Variants in KIF18A observed in about 807,000 individuals in gnomAD.
KIF18A encodes the protein kinesin family member 18A, also known as kinesin-like protein KIF18A.
A neutral mutation model predicts 103.3 loss-of-function variants in KIF18A; 67 were observed. The ratio of observed to expected loss-of-function variants is 0.65; its 90% CI spans 0.53 to 0.79. The LOEUF (loss-of-function observed/expected upper bound fraction) is 0.79, where lower values mean the gene tolerates loss of function less well. KIF18A is among the 30% of genes least tolerant of loss of function. The probability of loss-of-function intolerance (pLI) is 0.00; values close to 1 mark genes in which losing one functional copy is unlikely to be tolerated. For synonymous variants in KIF18A, 367 were observed against 355.5 expected (o/e 1.03, Z -0.36); for missense variants, 1,032 against 1,062.5 (o/e 0.97, Z 0.40).
chr11:28,047,687 T>A (rs1196272131), intron 13 of KIF18A, among the ~76,000 whole-genome samples: 2 of 152,116 alleles, frequency 1.3e-5, no homozygotes, highest in South Asian at 2.1e-4. Flanking sequence ...GTAATGCAAG[T>A]AATACAGAGT....
At position 28,059,008 on chromosome 11, in the gene KIF18A, T is replaced by G; in HGVS notation, c.1866A>C (p.Glu622Asp). 1.2e-6 allele frequency: 2 copies of G among 1,614,114 alleles called. No individual in the cohort carries two copies. The highest frequency in any genetic ancestry group is 1.7e-6 in the Non-Finnish European group (2 of 1,179,980). The stretch of plus-strand genomic sequence containing the variant: ...CTGGTAGATCGTTTTGCTTTGGTTG[T>G]TCGGCAGTTTGGTCAGCCCAAACTA... ...KVVVWADQTA[E>D]QPKQNDLPGI... Residue 622 changes from glutamate to aspartate, a missense_variant, in exon 13 of 17, where the codon GAA becomes GAC. Transcript: ENST00000263181.
intron 11 of KIF18A, among the ~76,000 whole-genome samples, chr11:28,063,268 T>C (rs938204686): frequency 6.6e-5 from 10 of 152,066 alleles, no homozygotes; most frequent in African/African-American, 2.4e-4. Flanking sequence ...CTGGATCAGA[T>C]GATCTCTTCA....
intron 13 of KIF18A, 68 bp from the exon 14 acceptor site, chr11:28,036,732 T>C (rs1409925028): frequency 2.1e-6 from 2 of 947,792 alleles, no homozygotes. Flanking sequence ...CCCATTACTT[T>C]TAAAACTAAG....
chr11:28,049,479 A>C (rs2133512908), intron 13 of KIF18A, among the ~76,000 whole-genome samples: 1 of 152,132 alleles, frequency 6.6e-6, no homozygotes, highest in East Asian at 1.9e-4. Context: ...AGATTTATAG[A>C]GCTGTATGTT....
At chr11:28,025,081 A>C (rs928713755) in intron 15 of KIF18A, among the ~76,000 whole-genome samples, 3 of 152,080 alleles carry the variant, frequency 2.0e-5, no homozygotes, top group Non-Finnish European at 4.4e-5. Flanking sequence ...TCTCTATTAA[A>C]ATATCTTATT....
At chr11:28,089,310 A>G in intron 5 of KIF18A, among the ~76,000 whole-genome samples, 1 of 152,238 alleles carries the variant, frequency 6.6e-6, no homozygotes. Context: ...AAAATATCAT[A>G]AATCAAACAT....
At position 28,040,666 on chromosome 11, in the gene KIF18A, T is replaced by C. The variant is rs929568187; in HGVS notation, c.1949-4002A>G. Among the ~76,000 whole-genome samples the C allele has an allele frequency of 5.3e-5, 8 of 151,786 alleles. No individual in the cohort carries two copies. In the East Asian group the frequency reaches 1.6e-3, roughly 29 times the overall value. On this transcript the variant is annotated intron_variant, in intron 13 of 16. Coordinates refer to ENST00000263181, the MANE Select transcript of KIF18A (RefSeq NM_031217.4). ...TGTTATAAGGCACGCTCTTGCAAAC[T>C]GGAATAGGGAAGACTGGCAGTCACT...
chr11:28,066,290 T>C (rs1340518287), intron 11 of KIF18A, among the ~76,000 whole-genome samples: 2 of 152,020 alleles, frequency 1.3e-5, no homozygotes, highest in Admixed American at 1.3e-4. Context: ...GAATCAACTC[T>C]TGTGTATTAA....
chr11:28,078,230 T>C (rs1260695914), intron 9 of KIF18A, among the ~76,000 whole-genome samples: 1 of 152,140 alleles, frequency 6.6e-6, no homozygotes, highest in Non-Finnish European at 1.5e-5. Flanking sequence ...GGAATGAATA[T>C]AAGCCACAAA....
chr11:28,090,671 T>C lies in KIF18A; in HGVS notation c.645A>G (p.Thr215=). 6.2e-7 allele frequency: 1 copy of C among 1,611,548 alleles called. No individual in the cohort carries two copies. The highest frequency in any genetic ancestry group is 8.5e-7 in the Non-Finnish European group (1 of 1,178,226). ...HLLDNGNKNR[T]QHPTDMNATS... ...TGGCATTCATATCAGTGGGATGTTG[T>C]GTCCTGTTTTTGTTTCCATTATCCA... Residue 215 remains threonine, a synonymous_variant, in exon 5 of 17, where the codon ACA becomes ACG. Coordinates refer to ENST00000263181, the MANE Select transcript of KIF18A (RefSeq NM_031217.4).
intron 7 of KIF18A, chr11:28,084,429 TA>T: frequency 4.4e-5 from 1 of 22,692 alleles, no homozygotes; most frequent in Non-Finnish European, 6.6e-5. Flanking sequence ...GTATCTATTA[TA>T]TATATATATA....
At chr11:28,051,024 T>G (rs1370875599) in intron 13 of KIF18A, among the ~76,000 whole-genome samples, 3 of 151,900 alleles carry the variant, frequency 2.0e-5, no homozygotes, top group Admixed American at 2.0e-4. Flanking sequence ...TCTAGGGATC[T>G]ATTCAGTCAA....
chr11:28,057,379 A>G (rs1407991920), intron 13 of KIF18A, among the ~76,000 whole-genome samples: 1 of 152,010 alleles, frequency 6.6e-6, no homozygotes, highest in African/African-American at 2.4e-5. Flanking sequence ...GCCAGGCATG[A>G]TGGCGGGCAC....
chr11:28,047,818 T>C (rs1366590055), intron 13 of KIF18A, among the ~76,000 whole-genome samples: 1 of 152,158 alleles, frequency 6.6e-6, no homozygotes, highest in African/African-American at 2.4e-5. Context: ...TGCTATTTCC[T>C]ATTATTACTG....
chr11:28,047,102 G>C (rs911863289), intron 13 of KIF18A, among the ~76,000 whole-genome samples: 1 of 144,122 alleles, frequency 6.9e-6, no homozygotes, highest in African/African-American at 2.5e-5. Context: ...TGTAAATATT[G>C]TAAGTTTGTT....
chr11:28,107,491 C>G (rs775254547), intron 1 of KIF18A, among the ~76,000 whole-genome samples: 34 of 152,172 alleles, frequency 2.2e-4, no homozygotes, highest in Admixed American at 7.2e-4. Flanking sequence ...TTCCGTACCT[C>G]ATCTGATCCT....
chr11:28,074,594 T>C (rs187494459), intron 10 of KIF18A, among the ~76,000 whole-genome samples: 1 of 152,282 alleles, frequency 6.6e-6, no homozygotes, highest in East Asian at 1.9e-4. Flanking sequence ...CAATGATACA[T>C]TACTGAATGC....
chr11:28,045,532 C>T (rs150132905), intron 13 of KIF18A, among the ~76,000 whole-genome samples: 1 of 151,752 alleles, frequency 6.6e-6, no homozygotes, highest in South Asian at 2.1e-4. Context: ...TAAGTAGGCT[C>T]TAAATGTTAC....
chr11:28,091,325 T>C, intron 4 of KIF18A, 84 bp downstream of exon 4: 1 of 648,682 alleles, frequency 1.5e-6, no homozygotes, highest in South Asian at 2.3e-5. Flanking sequence ...TCAAACAGGA[T>C]GGAAAGTAAG....
Sources: allele counts gnomAD v4.1 joint callset (sites outside exome capture counted in the v4.1 genomes callset), GRCh38; gene constraint gnomAD v4.1.1; transcripts MANE v1.5; gene names NCBI Gene and HGNC (gene_info 2026-07-23, HGNC 2026-07-21).